PUS7: variants seen among roughly 807,000 people sequenced by gnomAD.
PUS7 encodes the protein pseudouridine synthase 7.
PUS7 carries 48 observed loss-of-function variants against 79.8 expected under a neutral mutation model. The observed-to-expected ratio is 0.60, with a 90% CI of 0.48 to 0.76. The LOEUF is 0.76. Among genes scored for constraint, PUS7 ranks in the 30% least tolerant of loss-of-function variants. The pLI is 0.00. For missense variants in PUS7, 729 were observed against 797.6 expected (o/e 0.91, Z 1.04); for synonymous variants, 286 against 272.2 (o/e 1.05, Z -0.50).
intron 1 of PUS7, among the ~76,000 whole-genome samples, chr7:105,519,835 A>C (rs1276481019): frequency 1.3e-5 from 2 of 152,208 alleles, no homozygotes; most frequent in Non-Finnish European, 2.9e-5. Flanking sequence ...TTCTGAGCAA[A>C]GACAAGGAAG....
chr7:105,515,803 A>ATTTATTTATTTG (rs1423956796), intron 1 of PUS7, among the ~76,000 whole-genome samples: 3 of 143,250 alleles, frequency 2.1e-5, no homozygotes, highest in African/African-American at 7.8e-5. Flanking sequence ...TTATTTATTT[A>ATTTATTTATTTG]TTTATTTATT....
rs142194318 is a variant in PUS7 at position 105,481,920 on chromosome 7, C to T, written c.1049+392G>A. On this transcript the variant is annotated intron_variant, in intron 8 of 15. Coordinates refer to ENST00000469408, the MANE Select transcript of PUS7 (RefSeq NM_019042.5). Reference sequence around the variant, plus strand: ...TAATTTTTTGTATTTTTAGTAGAGACAGGGTTTCACCGTATTAGCCAGGAT... The same window carrying T: ...TAATTTTTTGTATTTTTAGTAGAGATAGGGTTTCACCGTATTAGCCAGGAT... Among the ~76,000 whole-genome samples the T allele has an allele frequency of 3.8e-3, 585 of 152,264 alleles. 4 individuals are homozygous for T. Among genetic ancestry groups the T allele is most frequent in the African/African-American group, 0.013 (561 of 41,558 alleles).
chr7:105,514,939 C>T (rs1269024706), intron 1 of PUS7, among the ~76,000 whole-genome samples: 3 of 151,976 alleles, frequency 2.0e-5, no homozygotes, highest in Non-Finnish European at 4.4e-5. Flanking sequence ...GGACTACAGG[C>T]GCCCGCCACC....
At chr7:105,462,252 T>C (rs778662219) in intron 14 of PUS7, 5 of 196,380 alleles carry the variant, frequency 2.5e-5, no homozygotes, top group Non-Finnish European at 4.1e-5. Context: ...GCCAATATGG[T>C]GAAACCCTGC....
At position 105,522,213 on chromosome 7, in the gene PUS7, C is replaced by A. The variant is rs905886238; in HGVS notation, c.-194G>T. ...CGCGGAGGACCAGATGCGCTCCAGC[C>A]GACTCACCGGCGGCCGGGCTCGCAC... On this transcript the variant is annotated 5_prime_UTR_variant, in exon 1 of 16. Coordinates refer to ENST00000469408, the MANE Select transcript of PUS7 (RefSeq NM_019042.5). 2.0e-5 allele frequency: 3 copies of A among 151,862 alleles called. No individual in the cohort carries two copies. The highest frequency in any genetic ancestry group is 1.3e-4 in the Admixed American group (2 of 15,244). 9.4% of individuals were successfully genotyped at this position (151,862 alleles called of 1,614,324 possible).
chr7:105,464,436 T>A (rs545305629), intron 13 of PUS7, among the ~76,000 whole-genome samples: 3 of 151,904 alleles, frequency 2.0e-5, no homozygotes, highest in African/African-American at 4.8e-5. Flanking sequence ...GTGGGCAGAG[T>A]GGGGAAGATC....
intron 1 of PUS7, among the ~76,000 whole-genome samples, chr7:105,518,463 C>T (rs374533618): frequency 2.0e-5 from 3 of 151,784 alleles, no homozygotes; most frequent in East Asian, 3.9e-4. Flanking sequence ...AGTGCAGTGG[C>T]GTGATCTCAG....
intron 6 of PUS7, among the ~76,000 whole-genome samples, chr7:105,493,135 A>G (rs1003960781): frequency 3.9e-5 from 6 of 152,244 alleles, no homozygotes; most frequent in Admixed American, 3.9e-4. Flanking sequence ...CCACTATGAA[A>G]ATTTATCTTC....
At chr7:105,489,165 A>AAAAG (rs1562803691) in intron 7 of PUS7, among the ~76,000 whole-genome samples, 7 of 150,380 alleles carry the variant, frequency 4.7e-5, no homozygotes, top group South Asian at 2.1e-4. Context: ...AAAAAAAAAA[A>AAAAG]AAAGAAAGAA....
At chr7:105,459,965 G>T (rs920425889) in intron 14 of PUS7, among the ~76,000 whole-genome samples, 3 of 151,946 alleles carry the variant, frequency 2.0e-5, no homozygotes, top group Non-Finnish European at 4.4e-5. Context: ...CTTAGACGGA[G>T]TCTCGCTCTG....
Position 105,516,843 on chromosome 7 carries a change from A to G in PUS7, c.-33+5209T>C, listed in dbSNP as rs573045285. ...AGAGGCCTGAGAGAATTAAATTGCA[A>G]AGAGAAAACAAGCCTGACTACCCCA... On this transcript the variant is annotated intron_variant, in intron 1 of 15. Coordinates refer to ENST00000469408, the MANE Select transcript of PUS7 (RefSeq NM_019042.5). 5.2e-4 allele frequency among the ~76,000 whole-genome samples: 79 copies of G among 152,196 alleles called. 1 individual carries two copies. Among genetic ancestry groups the G allele is most frequent in the African/African-American group, 1.9e-3 (77 of 41,542 alleles).
intron 9 of PUS7, among the ~76,000 whole-genome samples, chr7:105,477,739 C>A (rs1159869336): frequency 6.6e-6 from 1 of 151,804 alleles, no homozygotes; most frequent in Non-Finnish European, 1.5e-5. Context: ...AGTAGTCACT[C>A]CCCATTGGTC....
At chr7:105,464,558 C>T (rs1025662599) in intron 13 of PUS7, among the ~76,000 whole-genome samples, 2 of 152,178 alleles carry the variant, frequency 1.3e-5, no homozygotes, top group African/African-American at 2.4e-5. Flanking sequence ...TGCCCTTCTT[C>T]GCCTGTCTCT....
At position 105,481,184 on chromosome 7, in the gene PUS7, G is replaced by C. The variant is rs78178635; in HGVS notation, c.1050-7C>G. On this transcript the variant is annotated splice_region_variant and splice_polypyrimidine_tract_variant and intron_variant, in intron 8 of 15. Coordinates refer to ENST00000469408, the MANE Select transcript of PUS7 (RefSeq NM_019042.5). ...ATCAGTTCCTGTTATATTTCTACAGGGACACAAATTATCCAGAGGAAAAAA... is the reference window on the plus strand; with the variant it reads ...ATCAGTTCCTGTTATATTTCTACAGCGACACAAATTATCCAGAGGAAAAAA... 5.7e-4 allele frequency: 920 copies of C among 1,602,058 alleles called. 2 individuals carry two copies. The African/African-American group carries it at 0.011, about 20-fold the overall frequency.
At chr7:105,476,818 A>AC in intron 9 of PUS7, among the ~76,000 whole-genome samples, 1 of 152,296 alleles carries the variant, frequency 6.6e-6, no homozygotes, top group Admixed American at 6.5e-5. Flanking sequence ...ATGAAGTGGT[A>AC]CCTCGTGGTG....
chr7:105,493,625 A>C (rs1338519152), intron 6 of PUS7, among the ~76,000 whole-genome samples: 1 of 152,202 alleles, frequency 6.6e-6, no homozygotes, highest in Non-Finnish European at 1.5e-5. Flanking sequence ...GAGGTGATTC[A>C]GTTAAAATGA....
chr7:105,471,319 ACTT>A (rs1336181652), intron 10 of PUS7, among the ~76,000 whole-genome samples: 2 of 152,306 alleles, frequency 1.3e-5, no homozygotes, highest in African/African-American at 4.8e-5. Flanking sequence ...GTTTTTGGTG[ACTT>A]CTTCACACTG....
intron 1 of PUS7, among the ~76,000 whole-genome samples, chr7:105,513,270 A>G (rs754973955): frequency 8.5e-5 from 13 of 152,216 alleles, no homozygotes; most frequent in Non-Finnish European, 1.6e-4. Flanking sequence ...AGGAAGAAAG[A>G]GTGGCCAATA....
chr7:105,508,152 T>C lies in PUS7; in HGVS notation c.361A>G (p.Ser121Gly), dbSNP rs755632586. Residue 121 changes from serine to glycine, a missense_variant, in exon 2 of 16, where the codon AGT becomes GGT. Physicochemically the swap from Ser to Gly is moderately conservative, Grantham distance 56. Coordinates refer to ENST00000469408, the MANE Select transcript of PUS7 (RefSeq NM_019042.5). ...ATTCCCGAGAACCCTTGATGAGAACTCACAAACTTGGTGATGCCTACGTCA... is the reference window on the plus strand; with the variant it reads ...ATTCCCGAGAACCCTTGATGAGAACCCACAAACTTGGTGATGCCTACGTCA... ...EADVGITKFV[S>G]SHQGFSGILK... 4 of 1,614,168 alleles carry C rather than the reference T, an allele frequency of 2.5e-6. No homozygotes were observed. Among genetic ancestry groups the C allele is most frequent in the Non-Finnish European group, 2.5e-6 (3 of 1,180,026 alleles).
Sources: gnomAD v4.1 joint callset for allele counts (sites outside exome capture counted in the v4.1 genomes callset) on GRCh38, gnomAD v4.1.1 for gene constraint, MANE v1.5 for transcripts, NCBI Gene and HGNC (gene_info 2026-07-23, HGNC 2026-07-21) for gene names.